KRT33A: variants seen among roughly 807,000 people sequenced by gnomAD.
KRT33A encodes the protein keratin 33A.
In KRT33A, 44 loss-of-function variants were observed where a neutral mutation model predicts 41.1. That is an observed-to-expected ratio of 1.07 (90% CI 0.84 to 1.38). The LOEUF is 1.38. KRT33A is among the 40% of genes most tolerant of loss of function. The pLI, the probability that KRT33A is intolerant of heterozygous loss-of-function variation, is 0.00. For missense variants in KRT33A, 536 were observed against 518.5 expected (o/e 1.03, Z -0.33); for synonymous variants, 229 against 227.8 (o/e 1.01, Z -0.05).
At chr17:41,347,289 A>G in intron 3 of KRT33A, 67 bp from the exon 4 acceptor site, 1 of 1,495,766 alleles carries the variant, frequency 6.7e-7, no homozygotes, top group Middle Eastern at 1.8e-4. Context: ...AGAGAATGCA[A>G]TTCAACTTCT....
At position 41,348,571 on chromosome 17, in the gene KRT33A, T is replaced by A; in HGVS notation, c.500A>T (p.Asp167Val). Residue 167 changes from aspartate to valine, a missense_variant, in exon 3 of 7, where the codon GAT (aspartate) becomes GTT (valine). Transcript: ENST00000007735. Reference protein sequence around the residue: ...SDINGLRRILDELTLCRSDLE... With the variant: ...SDINGLRRILVELTLCRSDLE... Reference sequence around the variant, plus strand: ...GTCAGACCTGCACAGGGTCAGCTCATCCAGGATCCTGCGCAGGCCATTGAT... The same window carrying A: ...GTCAGACCTGCACAGGGTCAGCTCAACCAGGATCCTGCGCAGGCCATTGAT... 1 of 1,613,992 alleles carries A rather than the reference T, an allele frequency of 6.2e-7. No homozygotes were observed. Among genetic ancestry groups the A allele is most frequent in the Non-Finnish European group, 8.5e-7 (1 of 1,179,970 alleles).
At chr17:41,347,267 G>A (rs2017440745) in intron 3 of KRT33A, 45 bp from the exon 4 acceptor site, 3 of 1,560,208 alleles carry the variant, frequency 1.9e-6, no homozygotes, top group South Asian at 1.2e-5. Flanking sequence ...AAGGATCTTG[G>A]TGCTCTCCTT....
intron 2 of KRT33A, among the ~76,000 whole-genome samples, chr17:41,349,085 C>T (rs2017466690): frequency 6.6e-6 from 1 of 152,130 alleles, no homozygotes; most frequent in Non-Finnish European, 1.5e-5. Flanking sequence ...CATAGGAGAA[C>T]ATCGGGGGCC....
chr17:41,348,196 C>A (rs2017452036), intron 3 of KRT33A, among the ~76,000 whole-genome samples: 1 of 152,252 alleles, frequency 6.6e-6, no homozygotes, highest in South Asian at 2.1e-4. Context: ...ATTGCTGCTG[C>A]ATGCACTCTA....
intron 1 of KRT33A, 87 bp downstream of exon 1, chr17:41,350,333 A>C (rs1054676509): frequency 1.3e-6 from 2 of 1,495,832 alleles, no homozygotes; most frequent in African/African-American, 2.8e-5. Context: ...TTTCATTCAC[A>C]TCAAGAGCTT....
At position 41,346,885 on chromosome 17, in the gene KRT33A, C is replaced by T. The variant is rs749454777; in HGVS notation, c.835G>A (p.Val279Ile). 1.1e-5 allele frequency: 18 copies of T among 1,613,042 alleles called. No individual in the cohort carries two copies. The South Asian group carries it at 1.4e-4, about 13-fold the overall frequency. Residue 279 changes from valine to isoleucine, a missense_variant, in exon 5 of 7, where the codon GTC (valine) becomes ATC (isoleucine). Transcript: ENST00000007735. The part of the protein sequence containing the change: ...QAEIIELRRT[V>I]NALEIELQAQ... ...TGCAGCTCGATCTCCAGGGCATTGA[C>T]CGTGCGTCTCAGCTCGATGATCTCC...
chr17:41,347,248 A>T, intron 3 of KRT33A, 26 bp from the exon 4 acceptor site: 1 of 1,575,112 alleles, frequency 6.3e-7, no homozygotes. Flanking sequence ...CAAAATTTTA[A>T]ATTTCACAAA....
At chr17:41,349,324 A>AAC (rs757071388) in intron 2 of KRT33A, 22 bp downstream of exon 2, 93 of 1,612,260 alleles carry the variant, frequency 5.8e-5, no homozygotes, top group Non-Finnish European at 7.2e-5. Flanking sequence ...AATAAACAGC[A>AAC]ACACCCCGCT....
At chr17:41,348,730 T>C in intron 2 of KRT33A, 91 bp from the exon 3 acceptor site, 4 of 1,354,604 alleles carry the variant, frequency 3.0e-6, no homozygotes, top group South Asian at 1.3e-5. Flanking sequence ...AACTAGGAAT[T>C]AGGGTTTGTA....
intron 1 of KRT33A, 147 bp from the exon 2 acceptor site, chr17:41,349,575 C>A: frequency 1.4e-6 from 1 of 699,746 alleles, no homozygotes; most frequent in Non-Finnish European, 2.3e-6. Context: ...ATGAATATTT[C>A]CAAAATTATA....
Position 41,346,510 on chromosome 17 carries a change from C to G in KRT33A, c.1035G>C (p.Val345=), listed in dbSNP as rs1177880645. 1.2e-6 allele frequency: 2 copies of G among 1,613,834 alleles called. No homozygotes were observed. The highest frequency in any genetic ancestry group is 2.7e-5 in the African/African-American group (2 of 74,822). The change falls in exon 6 of 7, where the codon GTG becomes GTC. Residue 345 remains valine (V), a synonymous_variant. Coordinates refer to ENST00000007735, the MANE Select transcript of KRT33A (RefSeq NM_004138.4). Reference sequence around the variant, plus strand: ...TGATCTCACACTCCAGCCGCGCCCGCACGTCCAGCAGCACCTGATACTCCT... The same window carrying G: ...TGATCTCACACTCCAGCCGCGCCCGGACGTCCAGCAGCACCTGATACTCCT... ...QNQEYQVLLD[V]RARLECEINT... is the part of the protein sequence containing the mutation.
chr17:41,349,635 T>A (rs2017476537), intron 1 of KRT33A, among the ~76,000 whole-genome samples: 1 of 152,044 alleles, frequency 6.6e-6, no homozygotes, highest in African/African-American at 2.4e-5. Context: ...AGATAATCTT[T>A]TTTCTATCCT....
intron 6 of KRT33A, 29 bp downstream of exon 6, chr17:41,346,419 A>G (rs771696336): frequency 2.5e-6 from 4 of 1,612,894 alleles, no homozygotes; most frequent in Non-Finnish European, 3.4e-6. Context: ...AACATGCCCC[A>G]AGGAGAAGAT....
At position 41,346,639 on chromosome 17, in the gene KRT33A, C is replaced by G. The variant is rs1567664373; in HGVS notation, c.906G>C (p.Glu302Asp). The G allele has an allele frequency of 2.5e-6, 4 of 1,614,236 alleles. No individual in the cohort carries two copies. Among genetic ancestry groups the G allele is most frequent in the African/African-American group, 1.3e-5 (1 of 75,066 alleles). Residue 302 changes from glutamate to aspartate, a missense_variant, in exon 6 of 7, where the codon GAG (glutamate) becomes GAC (aspartate). Transcript: ENST00000007735. ...GCTGGGAGCTGTAGCGGGCCTCGCT[C>G]TCTGTCAGCGTGTTTTCCAGAGAGT... Reference protein sequence around the residue: ...LRDSLENTLTESEARYSSQLS... With the variant: ...LRDSLENTLTDSEARYSSQLS...
At position 41,350,709 on chromosome 17, in the gene KRT33A, G is replaced by A. The variant is rs773423252; in HGVS notation, c.59C>T (p.Pro20Leu). 4.3e-5 allele frequency: 70 copies of A among 1,612,130 alleles called. No individual in the cohort carries two copies. Among genetic ancestry groups the A allele is most frequent in the Admixed American group, 8.3e-5 (5 of 59,944 alleles). ...LSCRTSCSSR[P>L]CVPPSCHGCT... ...GCCGTGGCAGCTGGGGGGCACACAG[G>A]GCCGGGAGGAGCAGCTGGTGCGGCA... Residue 20 changes from proline to leucine, a missense_variant, in exon 1 of 7, where the codon CCC becomes CTC. By Grantham distance (98) the Pro-to-Leu change is moderately conservative (BLOSUM62 -3). Transcript: ENST00000007735.
chr17:41,348,016 A>G (rs2017449813), intron 3 of KRT33A, among the ~76,000 whole-genome samples: 1 of 152,252 alleles, frequency 6.6e-6, no homozygotes, highest in Non-Finnish European at 1.5e-5. Context: ...CTTAGCCATA[A>G]TGGTGAGCAT....
At position 41,350,703 on chromosome 17, in the gene KRT33A, A is replaced by C. The variant is rs2017497195; in HGVS notation, c.65T>G (p.Val22Gly). The C allele has an allele frequency of 6.2e-7, 1 of 1,612,006 alleles. No individual in the cohort carries two copies. The highest frequency in any genetic ancestry group is 1.4e-5 in the African/African-American group (1 of 73,756). The change falls in exon 1 of 7, where the codon GTG becomes GGG. Residue 22 changes from valine to glycine, a missense_variant. Transcript: ENST00000007735. ...CRTSCSSRPC[V>G]PPSCHGCTLP... ...GGTGCAGCCGTGGCAGCTGGGGGGC[A>C]CACAGGGCCGGGAGGAGCAGCTGGT...
rs758487001 is a variant in KRT33A, at chr17:41,346,111, T to A, written c.*8A>T. On this transcript the variant is annotated 3_prime_UTR_variant, in exon 7 of 7. Coordinates refer to ENST00000007735, the MANE Select transcript of KRT33A (RefSeq NM_004138.4). ...GATGCCTTTCTTCTCCTCCTGGTTG[T>A]GGGGCCTCTAGTACCCAAATGTGTT... The A allele has an allele frequency of 2.5e-6, 4 of 1,584,716 alleles. No individual in the cohort carries two copies. The South Asian group carries it at 4.4e-5, about 18-fold the overall frequency.
At chr17:41,348,096 A>C (rs1377370744) in intron 3 of KRT33A, among the ~76,000 whole-genome samples, 1 of 152,232 alleles carries the variant, frequency 6.6e-6, no homozygotes, top group African/African-American at 2.4e-5. Flanking sequence ...AACGAAGAGA[A>C]TTGCATTTTG....
Sources: allele counts gnomAD v4.1 joint callset (sites outside exome capture counted in the v4.1 genomes callset), GRCh38; gene constraint gnomAD v4.1.1; transcripts MANE v1.5; gene names NCBI Gene and HGNC (gene_info 2026-07-23, HGNC 2026-07-21).